PACRG: variants seen among roughly 807,000 people sequenced by gnomAD.
PACRG encodes the protein parkin coregulated.
Under a neutral mutation model 29.7 loss-of-function variants are expected in PACRG, and 29 were observed. That is an observed-to-expected ratio of 0.98 (90% CI 0.73 to 1.33). PACRG has a LOEUF of 1.33. Ranked by LOEUF, PACRG falls within the 40% of genes most tolerant of loss-of-function variation. The pLI is 0.00. For missense variants in PACRG, 279 were observed against 316.2 expected, an observed-to-expected ratio of 0.88 and a Z score of 0.89; for synonymous variants, 116 against 118.7, an observed-to-expected ratio of 0.98 and a Z score of 0.15.
intron 2 of PACRG, among the ~76,000 whole-genome samples, chr6:163,058,591 C>G (rs1455503700): frequency 6.6e-6 from 1 of 151,840 alleles, no homozygotes; most frequent in African/African-American, 2.4e-5. Context: ...AAAAAAATCT[C>G]TACTTAAAAA....
At chr6:162,966,755 C>A (rs765915586) in intron 2 of PACRG, among the ~76,000 whole-genome samples, 1 of 151,866 alleles carries the variant, frequency 6.6e-6, no homozygotes, top group Non-Finnish European at 1.5e-5. Flanking sequence ...GGATTACAGG[C>A]GTGAGCCCCC....
At chr6:163,199,211 A>G (rs754005232) in intron 4 of PACRG, among the ~76,000 whole-genome samples, 2 of 152,236 alleles carry the variant, frequency 1.3e-5, no homozygotes, top group Non-Finnish European at 2.9e-5. Flanking sequence ...ATGATGTTCA[A>G]TGTACTCAAT....
chr6:162,900,730 G>A (rs944638150), intron 2 of PACRG, among the ~76,000 whole-genome samples: 1 of 152,220 alleles, frequency 6.6e-6, no homozygotes, highest in East Asian at 1.9e-4. Flanking sequence ...GCTGCCTCCG[G>A]GACTTGCTGT....
At chr6:163,245,574 T>A (rs1159031901) in intron 4 of PACRG, among the ~76,000 whole-genome samples, 1 of 152,120 alleles carries the variant, frequency 6.6e-6, no homozygotes, top group African/African-American at 2.4e-5. Flanking sequence ...GCCTCAGTCC[T>A]CTTCTCCTAT....
intron 2 of PACRG, among the ~76,000 whole-genome samples, chr6:162,859,981 A>G (rs892342404): frequency 1.3e-5 from 2 of 150,706 alleles, no homozygotes; most frequent in Non-Finnish European, 3.0e-5. Context: ...TGGTGAGGAA[A>G]AGGTATTATT....
chr6:162,933,533 A>C (rs1429890574), intron 2 of PACRG, among the ~76,000 whole-genome samples: 2 of 151,330 alleles, frequency 1.3e-5, no homozygotes, highest in Non-Finnish European at 2.9e-5. Context: ...TGTGAGCATA[A>C]ATATTTACAA....
At position 163,131,433 on chromosome 6, in the gene PACRG, G is replaced by T. The variant is rs532804311; in HGVS notation, c.613+42025G>T. Among the ~76,000 whole-genome samples the T allele has an allele frequency of 3.2e-4, 49 of 152,256 alleles. No homozygotes were observed. The East Asian group carries it at 9.3e-3, about 29-fold the overall frequency. Reference sequence around the variant, plus strand: ...CCCGTGAAGATGGACGCAGAGAGGGGGCCGATGCAGCTTCAAGCCAAGAAA... The same window carrying T: ...CCCGTGAAGATGGACGCAGAGAGGGTGCCGATGCAGCTTCAAGCCAAGAAA... On this transcript the variant is annotated intron_variant, in intron 4 of 4. Coordinates refer to ENST00000366888, the MANE Select transcript of PACRG (RefSeq NM_001080379.2).
chr6:163,237,779 A>C (rs1312286062), intron 4 of PACRG, among the ~76,000 whole-genome samples: 1 of 152,198 alleles, frequency 6.6e-6, no homozygotes, highest in Non-Finnish European at 1.5e-5. Context: ...TCTACCAGAA[A>C]ATGGCTCACA....
chr6:162,861,034 C>A (rs756594538), intron 2 of PACRG, among the ~76,000 whole-genome samples: 11 of 151,716 alleles, frequency 7.3e-5, no homozygotes, highest in Non-Finnish European at 1.3e-4. Flanking sequence ...CAAGGCCTAT[C>A]GGGGAGAAAA....
chr6:162,796,511 C>T (rs1308777515), intron 1 of PACRG, among the ~76,000 whole-genome samples: 1 of 151,776 alleles, frequency 6.6e-6, no homozygotes, highest in African/African-American at 2.4e-5. Flanking sequence ...ACCTATAGCC[C>T]TTATTTTTTA....
intron 1 of PACRG, among the ~76,000 whole-genome samples, chr6:162,733,234 T>G (rs1779909809): frequency 6.6e-6 from 1 of 152,226 alleles, no homozygotes; most frequent in South Asian, 2.1e-4. Flanking sequence ...TCTCCCTTCC[T>G]GTCACCCACA....
chr6:163,063,452 C>A (rs992245140), intron 3 of PACRG, among the ~76,000 whole-genome samples: 1 of 152,176 alleles, frequency 6.6e-6, no homozygotes, highest in East Asian at 1.9e-4. Context: ...TGAGCTCTTG[C>A]CGTGTGCTTT....
At chr6:162,847,335 ACT>A (rs1304513029) in intron 2 of PACRG, among the ~76,000 whole-genome samples, 2 of 152,032 alleles carry the variant, frequency 1.3e-5, no homozygotes, top group East Asian at 3.9e-4. Flanking sequence ...CTTCCTTGAC[ACT>A]CTGTTGAAGT....
At chr6:162,771,334 A>G (rs916685673) in intron 1 of PACRG, among the ~76,000 whole-genome samples, 3 of 152,158 alleles carry the variant, frequency 2.0e-5, no homozygotes, top group South Asian at 2.1e-4. Flanking sequence ...AACGGGTTCT[A>G]TAGATAAACA....
chr6:162,881,400 T>G (rs936413815), intron 2 of PACRG, among the ~76,000 whole-genome samples: 4 of 151,990 alleles, frequency 2.6e-5, no homozygotes, highest in African/African-American at 4.8e-5. Context: ...ATGTCCCCAA[T>G]CCGGTGGGAA....
chr6:163,065,686 T>G (rs1811478624), intron 3 of PACRG, among the ~76,000 whole-genome samples: 1 of 152,140 alleles, frequency 6.6e-6, no homozygotes, highest in Non-Finnish European at 1.5e-5. Context: ...TTGTTTGACA[T>G]CCTCAGGATT....
intron 4 of PACRG, among the ~76,000 whole-genome samples, chr6:163,274,645 C>G (rs968931516): frequency 6.6e-6 from 1 of 152,196 alleles, no homozygotes; most frequent in Admixed American, 6.5e-5. Flanking sequence ...TACAGTCCCA[C>G]CAACAGTGTA....
At chr6:162,937,503 G>A (rs995197449) in intron 2 of PACRG, among the ~76,000 whole-genome samples, 3 of 152,118 alleles carry the variant, frequency 2.0e-5, no homozygotes, top group African/African-American at 4.8e-5. Flanking sequence ...GTCCACAGGC[G>A]GTGAGCAGCA....
chr6:162,947,615 T>TATATATATATATATATATAATC lies in PACRG; in HGVS notation c.292-114516_292-114515insATCATATATATATATATATATA, dbSNP rs1799294987. On this transcript the variant is annotated intron_variant, in intron 2 of 4. Transcript: ENST00000366888. ...ATAATCATATATATATATAATCATA[T>TATATATATATATATATATAATC]ATATATATATATATATATATATATA... 1.6e-3 allele frequency among the ~76,000 whole-genome samples: 35 copies of TATATATATATATATATATAATC among 22,508 alleles called. 1 individual carries two copies. Among genetic ancestry groups the TATATATATATATATATATAATC allele is most frequent in the African/African-American group, 4.7e-3 (33 of 6,982 alleles). 14.8% of individuals were successfully genotyped at this position (22,508 alleles called of 152,430 possible).
Sources: gnomAD v4.1 joint callset for allele counts (sites outside exome capture counted in the v4.1 genomes callset) on GRCh38, gnomAD v4.1.1 for gene constraint, MANE v1.5 for transcripts, NCBI Gene and HGNC (gene_info 2026-07-23, HGNC 2026-07-21) for gene names.